Variants in PARD3 observed in about 807,000 individuals in gnomAD.
PARD3 encodes the protein partitioning defective 3 homolog.
A neutral mutation model predicts 155.4 loss-of-function variants in PARD3; 75 were observed. The ratio of observed to expected loss-of-function variants is 0.48; its 90% CI spans 0.40 to 0.58. The LOEUF (loss-of-function observed/expected upper bound fraction) is 0.58, where lower values mean the gene tolerates loss of function less well. Ranked by LOEUF, PARD3 falls within the 20% of genes least tolerant of loss-of-function variation. The pLI is 0.00. For synonymous variants in PARD3, 576 were observed against 610.5 expected (o/e 0.94, Z 0.83); for missense variants, 1,642 against 1,721.7 (o/e 0.95, Z 0.82).
chr10:34,195,444 T>C (rs1950893915), intron 22 of PARD3, among the ~76,000 whole-genome samples: 1 of 151,888 alleles, frequency 6.6e-6, no homozygotes, highest in Admixed American at 6.6e-5. Context: ...ACACACGTAC[T>C]AAAACGAGTA....
intron 22 of PARD3, among the ~76,000 whole-genome samples, chr10:34,186,775 T>C (rs952564599): frequency 2.6e-5 from 4 of 152,142 alleles, no homozygotes; most frequent in Non-Finnish European, 5.9e-5. Flanking sequence ...ACAGACCTTC[T>C]GGTGTCAGCC....
intron 1 of PARD3, among the ~76,000 whole-genome samples, chr10:34,741,654 C>G (rs1288304679): frequency 2.6e-5 from 4 of 152,172 alleles, no homozygotes; most frequent in Non-Finnish European, 5.9e-5. Context: ...CTGCTGTCAG[C>G]ACAAAAACTC....
At chr10:34,187,783 T>C (rs1950549282) in intron 22 of PARD3, among the ~76,000 whole-genome samples, 2 of 152,222 alleles carry the variant, frequency 1.3e-5, no homozygotes, top group South Asian at 4.1e-4. Context: ...TCCTGGGCAA[T>C]GTTAATTATG....
intron 3 of PARD3, among the ~76,000 whole-genome samples, chr10:34,481,300 T>C (rs1361038366): frequency 6.6e-6 from 1 of 152,146 alleles, no homozygotes; most frequent in Non-Finnish European, 1.5e-5. Context: ...AGGGACTCCT[T>C]TCCTTTCATC....
At chr10:34,806,897 C>G (rs1843465408) in intron 1 of PARD3, among the ~76,000 whole-genome samples, 1 of 152,188 alleles carries the variant, frequency 6.6e-6, no homozygotes, top group Non-Finnish European at 1.5e-5. Flanking sequence ...CCCAGCACCT[C>G]TGAATATGAG....
At chr10:34,119,815 C>A (rs534490064) in intron 23 of PARD3, 75 bp from the exon 24 acceptor site, 5 of 1,318,854 alleles carry the variant, frequency 3.8e-6, no homozygotes, top group Non-Finnish European at 3.0e-6. Flanking sequence ...GACTCCATTT[C>A]GATTCTTATG....
At chr10:34,260,674 G>A (rs1954909906) in intron 22 of PARD3, among the ~76,000 whole-genome samples, 1 of 152,208 alleles carries the variant, frequency 6.6e-6, no homozygotes, top group Non-Finnish European at 1.5e-5. Flanking sequence ...GCACCAACTT[G>A]CAGAACTCAC....
chr10:34,118,383 G>A (rs2132668140), intron 24 of PARD3, among the ~76,000 whole-genome samples: 1 of 152,280 alleles, frequency 6.6e-6, no homozygotes, highest in East Asian at 1.9e-4. Context: ...GTCTTGCTCT[G>A]TCACCCAGGC....
At chr10:34,429,793 G>A (rs1320951797) in intron 5 of PARD3, among the ~76,000 whole-genome samples, 5 of 152,080 alleles carry the variant, frequency 3.3e-5, no homozygotes, top group Admixed American at 6.5e-5. Context: ...CACTATATTG[G>A]CCAGGTTGAT....
chr10:34,323,634 A>G (rs1013717535), intron 19 of PARD3, among the ~76,000 whole-genome samples: 2 of 152,220 alleles, frequency 1.3e-5, no homozygotes, highest in Non-Finnish European at 2.9e-5. Flanking sequence ...ACTCTTTTAA[A>G]GAGTTATTAC....
chr10:34,413,138 TATATATACACACACACACACAC>T (rs1415144503), intron 5 of PARD3, among the ~76,000 whole-genome samples: 1 of 93,608 alleles, frequency 1.1e-5, no homozygotes, highest in African/African-American at 5.6e-5. Context: ...GTACTTCAGA[TATATATACACACACACACACAC>T]ACACACACAC....
chr10:34,404,872 C>T (rs917182882), intron 5 of PARD3, among the ~76,000 whole-genome samples: 4 of 152,022 alleles, frequency 2.6e-5, no homozygotes, highest in Non-Finnish European at 5.9e-5. Flanking sequence ...TGGCTTAACA[C>T]CAGGAGTTCA....
intron 1 of PARD3, among the ~76,000 whole-genome samples, chr10:34,716,595 T>C (rs977771826): frequency 8.4e-5 from 12 of 142,550 alleles, no homozygotes; most frequent in African/African-American, 1.5e-4. Flanking sequence ...CTTTTTTTTT[T>C]TTTTTTTTTT....
At chr10:34,755,445 G>T (rs571758825) in intron 1 of PARD3, among the ~76,000 whole-genome samples, 29 of 152,086 alleles carry the variant, frequency 1.9e-4, no homozygotes, top group South Asian at 6.2e-4. Flanking sequence ...TTGCTGGGCC[G>T]ATCACAAGAG....
chr10:34,136,983 T>C (rs1368372362), intron 22 of PARD3, among the ~76,000 whole-genome samples: 33 of 152,194 alleles, frequency 2.2e-4, no homozygotes, highest in Admixed American at 2.1e-3. Context: ...AACAAATTGA[T>C]CAGCAAATAT....
chr10:34,288,269 C>G (rs1174676760), intron 20 of PARD3, among the ~76,000 whole-genome samples: 1 of 152,010 alleles, frequency 6.6e-6, no homozygotes, highest in Non-Finnish European at 1.5e-5. Context: ...ATATGTAAAA[C>G]GTTTATAGGT....
At chr10:34,671,279 G>C (rs1342520951) in intron 2 of PARD3, among the ~76,000 whole-genome samples, 1 of 152,150 alleles carries the variant, frequency 6.6e-6, no homozygotes, top group Non-Finnish European at 1.5e-5. Context: ...AAACAGGTTT[G>C]AGTCAGGTAA....
intron 2 of PARD3, among the ~76,000 whole-genome samples, chr10:34,529,546 A>G (rs1466035459): frequency 1.3e-5 from 2 of 152,214 alleles, no homozygotes; most frequent in Non-Finnish European, 2.9e-5. Context: ...AAATCTGAGT[A>G]TAACTTTTGA....
chr10:34,409,537 C>T (rs16935380), intron 5 of PARD3, among the ~76,000 whole-genome samples: 34,577 of 152,098 alleles, frequency 0.23, 4,860 homozygotes, highest in South Asian at 0.43. Context: ...CATCATCTGC[C>T]GCATTCCTAT....
Sources: gnomAD v4.1 joint callset for allele counts (sites outside exome capture counted in the v4.1 genomes callset) on GRCh38, gnomAD v4.1.1 for gene constraint, MANE v1.5 for transcripts, NCBI Gene and HGNC (gene_info 2026-07-23, HGNC 2026-07-21) for gene names.